DDX46: variants seen among roughly 807,000 people sequenced by gnomAD.
DDX46 encodes probable ATP-dependent RNA helicase DDX46.
A neutral mutation model predicts 134.9 loss-of-function variants in DDX46; 30 were observed. The ratio of observed to expected loss-of-function variants is 0.22; its 90% CI spans 0.17 to 0.30. The LOEUF is 0.30. Ranked by LOEUF, DDX46 falls within the 10% of genes least tolerant of loss-of-function variation. DDX46 has a pLI of 1.00. For missense variants in DDX46, 622 were observed against 1,248.7 expected (o/e 0.50, Z 7.56); for synonymous variants, 415 against 404.1 (o/e 1.03, Z -0.32).
chr5:134,786,911 T>TTGC (rs1180818067), intron 11 of DDX46, among the ~76,000 whole-genome samples: 1 of 151,726 alleles, frequency 6.6e-6, no homozygotes, highest in Admixed American at 6.6e-5. Flanking sequence ...GTTGTTGTTG[T>TTGC]TGTTGTTGTT....
intron 13 of DDX46, among the ~76,000 whole-genome samples, chr5:134,794,229 G>A (rs966245902): frequency 3.3e-5 from 5 of 152,098 alleles, no homozygotes; most frequent in African/African-American, 1.2e-4. Flanking sequence ...TCAGAAACAT[G>A]TGTACGCCTG....
intron 3 of DDX46, among the ~76,000 whole-genome samples, chr5:134,767,452 T>G (rs539663437): frequency 1.6e-4 from 25 of 152,026 alleles, no homozygotes; most frequent in Non-Finnish European, 3.5e-4. Flanking sequence ...TCCTCTCACC[T>G]AGGCCTCCAA....
intron 6 of DDX46, among the ~76,000 whole-genome samples, chr5:134,778,506 C>G (rs254714): frequency 0.86 from 131,345 of 152,178 alleles, 57,144 homozygotes; most frequent in East Asian, 0.99. Flanking sequence ...CAGGCTCCCG[C>G]TACAAGCCCC....
At chr5:134,790,339 C>G (rs1430187222) in intron 12 of DDX46, 131 bp from the exon 13 acceptor site, 1 of 732,704 alleles carries the variant, frequency 1.4e-6, no homozygotes, top group Non-Finnish European at 2.2e-6. Flanking sequence ...TTAAAGATAC[C>G]TAACTTACCC....
intron 3 of DDX46, among the ~76,000 whole-genome samples, chr5:134,768,141 G>C (rs1347304879): frequency 1.3e-5 from 2 of 149,220 alleles, no homozygotes; most frequent in Non-Finnish European, 3.0e-5. Flanking sequence ...CCAAAGTCTC[G>C]TTCTGTTGCC....
chr5:134,790,283 T>C (rs1754464535), intron 12 of DDX46, 187 bp from the exon 13 acceptor site: 1 of 634,182 alleles, frequency 1.6e-6, no homozygotes, highest in Admixed American at 2.7e-5. Flanking sequence ...CAGAAAGTAT[T>C]TGCCACTAGA....
At chr5:134,822,066 A>G (rs906966769) in intron 21 of DDX46, among the ~76,000 whole-genome samples, 2 of 151,300 alleles carry the variant, frequency 1.3e-5, no homozygotes, top group African/African-American at 2.4e-5. Flanking sequence ...TTTAGTAGAG[A>G]TGGAGTTTCA....
At chr5:134,821,102 A>G (rs1003156751) in intron 21 of DDX46, among the ~76,000 whole-genome samples, 2 of 151,184 alleles carry the variant, frequency 1.3e-5, no homozygotes, top group Non-Finnish European at 1.5e-5. Flanking sequence ...CAGTGGCGCA[A>G]TCTCGGCTCA....
intron 6 of DDX46, 51 bp from the exon 7 acceptor site, chr5:134,781,082 T>C (rs1189175221): frequency 5.3e-6 from 7 of 1,331,558 alleles, no homozygotes; most frequent in Non-Finnish European, 7.2e-6. Flanking sequence ...AGCAGTCATA[T>C]AACTTGTGTT....
intron 15 of DDX46, among the ~76,000 whole-genome samples, chr5:134,801,415 GACA>G (rs1754824967): frequency 6.6e-6 from 1 of 151,702 alleles, no homozygotes; most frequent in African/African-American, 2.4e-5. Flanking sequence ...TTTTCCTTGA[GACA>G]ACTTTTCTCT....
At position 134,781,993 on chromosome 5, in the gene DDX46, C is replaced by G; in HGVS notation, c.952C>G (p.Leu318Val). The change falls in exon 8 of 23, where the codon CTA becomes GTA. Residue 318 changes from leucine to valine, a missense_variant. Transcript: ENST00000452510. ...TGYQTKQRKL[L>V]EPVDHGKIEY... ...GTATCAAACAAAACAGCGAAAGCTT[C>G]TAGAACCAGTTGATCATGGAAAAAT... The G allele has an allele frequency of 1.2e-6, 2 of 1,610,718 alleles. No homozygotes were observed. Among genetic ancestry groups the G allele is most frequent in the Non-Finnish European group, 1.7e-6 (2 of 1,179,340 alleles).
At chr5:134,770,124 T>G (rs1753714454) in intron 3 of DDX46, among the ~76,000 whole-genome samples, 1 of 151,890 alleles carries the variant, frequency 6.6e-6, no homozygotes, top group Non-Finnish European at 1.5e-5. Context: ...CTCGAACTCC[T>G]GGGCTCAAGT....
chr5:134,821,952 G>A (rs1413032622), intron 21 of DDX46, among the ~76,000 whole-genome samples: 1 of 150,442 alleles, frequency 6.6e-6, no homozygotes, highest in East Asian at 1.9e-4. Context: ...GAGTGCAATG[G>A]TGCTGTCTCG....
chr5:134,761,311 C>T (rs965634104), intron 1 of DDX46, among the ~76,000 whole-genome samples: 2 of 152,218 alleles, frequency 1.3e-5, no homozygotes, highest in Admixed American at 1.3e-4. Context: ...AGGCATGAGC[C>T]GCTGTGCCCA....
Position 134,802,835 on chromosome 5 carries a change from C to G in DDX46, c.1955-4913C>G, listed in dbSNP as rs376526559. 2.0e-5 allele frequency among the ~76,000 whole-genome samples: 3 copies of G among 152,114 alleles called. No homozygotes were observed. In the South Asian group the frequency reaches 6.2e-4, roughly 32 times the overall value. On this transcript the variant is annotated intron_variant, in intron 15 of 22. Transcript: ENST00000452510. ...TTGCATACTGGACTTTGTGAATGAT[C>G]CATTGTAGAGATTCTAAATTCTCAA...
chr5:134,801,592 G>A (rs914469084), intron 15 of DDX46, among the ~76,000 whole-genome samples: 1 of 152,016 alleles, frequency 6.6e-6, no homozygotes, highest in African/African-American at 2.4e-5. Flanking sequence ...GTGGAGATGA[G>A]GTTTCACCAT....
intron 5 of DDX46, among the ~76,000 whole-genome samples, chr5:134,774,981 A>G (rs187424210): frequency 1.7e-4 from 26 of 152,254 alleles, no homozygotes; most frequent in African/African-American, 6.3e-4. Flanking sequence ...GGCACCTGCC[A>G]CCATGCCTGG....
intron 13 of DDX46, among the ~76,000 whole-genome samples, chr5:134,794,616 A>G (rs769956311): frequency 6.6e-6 from 1 of 152,176 alleles, no homozygotes; most frequent in Admixed American, 6.5e-5. Flanking sequence ...AAGATAGACC[A>G]CTATATTTGT....
At chr5:134,763,074 T>A (rs889607281) in intron 1 of DDX46, among the ~76,000 whole-genome samples, 5 of 151,108 alleles carry the variant, frequency 3.3e-5, no homozygotes, top group African/African-American at 7.3e-5. Flanking sequence ...AAAAAAATAA[T>A]AATAATAATT....
Sources: gnomAD v4.1 joint callset for allele counts (sites outside exome capture counted in the v4.1 genomes callset) on GRCh38, gnomAD v4.1.1 for gene constraint, MANE v1.5 for transcripts, NCBI Gene and HGNC (gene_info 2026-07-23, HGNC 2026-07-21) for gene names.